LAMA4: variants seen among roughly 807,000 people sequenced by gnomAD.
LAMA4 encodes laminin subunit alpha 4.
A neutral mutation model predicts 207.1 loss-of-function variants in LAMA4; 127 were observed. The ratio of observed to expected loss-of-function variants is 0.61; its 90% confidence interval spans 0.53 to 0.71. The LOEUF is 0.71. LAMA4 is among the 30% of genes least tolerant of loss of function. LAMA4 has a pLI of 0.00. For synonymous variants in LAMA4, 761 were observed against 816.0 expected, an observed-to-expected ratio of 0.93 and a Z score of 1.15; for missense variants, 2,093 against 2,246.5, an observed-to-expected ratio of 0.93 and a Z score of 1.38.
chr6:112,135,304 C>T (rs1779274903), intron 25 of LAMA4, among the ~76,000 whole-genome samples: 1 of 152,144 alleles, frequency 6.6e-6, no homozygotes, highest in Non-Finnish European at 1.5e-5. Context: ...CCCTGGTGAC[C>T]CCTATTGTAT....
At position 112,120,300 on chromosome 6, in the gene LAMA4, C is replaced by T. The variant is rs1554325683; in HGVS notation, c.4648G>A (p.Asp1550Asn). ...LKIRSQEKYN[D>N]GLWHDVIFIR... ...CAACTTACATCATGCCACAGGCCATCATTGTATTTCTCCTGGCTTCTAATC... is the reference window on the plus strand; with the variant it reads ...CAACTTACATCATGCCACAGGCCATTATTGTATTTCTCCTGGCTTCTAATC... Residue 1550 changes from aspartate to asparagine, a missense_variant, in exon 33 of 39, where the codon GAT (aspartate) becomes AAT (asparagine). Transcript: ENST00000230538. 2.5e-6 allele frequency: 4 copies of T among 1,613,784 alleles called. No homozygotes were observed. In the Admixed American group the frequency reaches 6.7e-5, roughly 27 times the overall value.
intron 5 of LAMA4, among the ~76,000 whole-genome samples, chr6:112,199,340 G>A (rs899527215): frequency 5.9e-5 from 9 of 152,202 alleles, no homozygotes; most frequent in Middle Eastern, 3.4e-3. Context: ...AACTCTCCCC[G>A]TGGGGGCCAT....
intron 30 of LAMA4, 41 bp downstream of exon 30, chr6:112,129,835 T>C (rs782475211): frequency 1.2e-4 from 173 of 1,424,838 alleles, no homozygotes; most frequent in Non-Finnish European, 1.7e-4. Flanking sequence ...TTGATTTTAT[T>C]TATCAATCAT....
At chr6:112,145,823 C>T (rs781907373) in intron 18 of LAMA4, among the ~76,000 whole-genome samples, 28 of 152,088 alleles carry the variant, frequency 1.8e-4, no homozygotes, top group Non-Finnish European at 3.7e-4. Flanking sequence ...GCAGGGACCA[C>T]GGTATATATA....
chr6:112,156,175 G>T (rs1240993057), intron 14 of LAMA4, among the ~76,000 whole-genome samples: 2 of 152,088 alleles, frequency 1.3e-5, no homozygotes, highest in Non-Finnish European at 2.9e-5. Context: ...CTGCATCCTG[G>T]GCCTCAGGAG....
At position 112,172,761 on chromosome 6, in the gene LAMA4, G is replaced by A; in HGVS notation, c.1401C>T (p.Thr467=). 1.2e-6 allele frequency: 2 copies of A among 1,614,002 alleles called. No homozygotes were observed. The highest frequency in any genetic ancestry group is 2.2e-5 in the East Asian group (1 of 44,856). Reference sequence around the variant, plus strand: ...CCAGGACGACAGGAAACAGAGTGCGGGTCTCATTGTGCAGCCGCTGCCAGC... The same window carrying A: ...CCAGGACGACAGGAAACAGAGTGCGAGTCTCATTGTGCAGCCGCTGCCAGC... ...AESWQRLHNE[T]RTLFPVVLEQ... Residue 467 remains threonine, a synonymous_variant, in exon 12 of 39, where the codon ACC becomes ACT. Coordinates refer to ENST00000230538, the MANE Select transcript of LAMA4 (RefSeq NM_001105206.3).
At chr6:112,149,230 C>G (rs1780225458) in intron 17 of LAMA4, among the ~76,000 whole-genome samples, 1 of 151,872 alleles carries the variant, frequency 6.6e-6, no homozygotes, top group Non-Finnish European at 1.5e-5. Context: ...AGTTTCAATC[C>G]TGAATCTGCT....
chr6:112,187,345 TACAGGTATG>T, intron 8 of LAMA4, 96 bp downstream of exon 8: 1 of 1,289,424 alleles, frequency 7.8e-7, no homozygotes, highest in Non-Finnish European at 1.1e-6. Context: ...CAACCTGTAA[TACAGGTATG>T]AGACTCAGAT....
intron 8 of LAMA4, 103 bp from the exon 9 acceptor site, chr6:112,185,450 G>A: frequency 1.3e-6 from 1 of 758,876 alleles, no homozygotes. Flanking sequence ...AGAGTGTGAG[G>A]CTCTTTTCTC....
At chr6:112,151,684 T>C (rs9487829) in intron 16 of LAMA4, among the ~76,000 whole-genome samples, 47,229 of 152,022 alleles carry the variant, frequency 0.31, 7,889 homozygotes, top group African/African-American at 0.44. Context: ...TAAAATTAAA[T>C]CGGATTTTTA....
At chr6:112,173,237 A>G (rs1267631108) in intron 11 of LAMA4, among the ~76,000 whole-genome samples, 4 of 152,192 alleles carry the variant, frequency 2.6e-5, no homozygotes, top group Non-Finnish European at 4.4e-5. Context: ...TCTCTAGGCA[A>G]CTGTTTTTAG....
At position 112,118,721 on chromosome 6, in the gene LAMA4, A is replaced by ATGTGTGTG. The variant is rs4036073; in HGVS notation, c.4821+427_4821+434dup. Among the ~76,000 whole-genome samples, 172 of 148,436 alleles carry ATGTGTGTG rather than the reference A, an allele frequency of 1.2e-3. 2 individuals are homozygous for ATGTGTGTG. Among genetic ancestry groups the ATGTGTGTG allele is most frequent in the African/African-American group, 3.7e-3 (152 of 40,556 alleles). On this transcript the variant is annotated intron_variant, in intron 34 of 38. Coordinates refer to ENST00000230538, the MANE Select transcript of LAMA4 (RefSeq NM_001105206.3). This position sits in a 1 kb window ranked among gnomAD's most constrained non-coding sequence, Gnocchi z 4.6. ...TTACAAATTGTGTGTGTGTGTGTGT[A>ATGTGTGTG]TGTGTGTGTGTGTGTGTGTGTGTGT... is the stretch of plus-strand genomic sequence containing the variant.
At chr6:112,153,412 A>T (rs1441316135) in intron 16 of LAMA4, among the ~76,000 whole-genome samples, 1 of 152,116 alleles carries the variant, frequency 6.6e-6, no homozygotes, top group Admixed American at 6.5e-5. Context: ...GCCAAATGAG[A>T]TCATGAAATA....
intron 3 of LAMA4, among the ~76,000 whole-genome samples, chr6:112,210,223 A>C (rs9487851): frequency 0.34 from 51,388 of 150,646 alleles, 11,381 homozygotes; most frequent in African/African-American, 0.61. Context: ...TTTTTTAATC[A>C]AAAGAGTAAA....
chr6:112,214,354 G>A (rs1056381095), intron 3 of LAMA4, among the ~76,000 whole-genome samples: 8 of 151,950 alleles, frequency 5.3e-5, no homozygotes, highest in African/African-American at 1.7e-4. Context: ...AAAGTGCTGG[G>A]ATTACAGGTG....
intron 3 of LAMA4, among the ~76,000 whole-genome samples, chr6:112,215,914 T>C (rs1784599972): frequency 2.0e-5 from 3 of 152,242 alleles, no homozygotes; most frequent in Admixed American, 2.0e-4. Flanking sequence ...AACTTAAATT[T>C]CTTTTTTAAA....
At chr6:112,230,142 A>C (rs1785460775) in intron 2 of LAMA4, among the ~76,000 whole-genome samples, 1 of 152,198 alleles carries the variant, frequency 6.6e-6, no homozygotes, top group African/African-American at 2.4e-5. Flanking sequence ...AGAAATGTCC[A>C]TGTATGTCTG....
At chr6:112,141,926 A>C (rs1187337843) in intron 20 of LAMA4, among the ~76,000 whole-genome samples, 193 bp downstream of exon 20, 3 of 152,188 alleles carry the variant, frequency 2.0e-5, no homozygotes, top group African/African-American at 7.2e-5. Flanking sequence ...AACAATCCCC[A>C]CAATATCCCA....
At chr6:112,166,324 T>G (rs1286095107) in intron 12 of LAMA4, 3 of 152,204 alleles carry the variant, frequency 2.0e-5, no homozygotes, top group African/African-American at 7.2e-5. Flanking sequence ...CAAGAACATT[T>G]TTAAAGAAAC....
Sources: allele counts gnomAD v4.1 joint callset (sites outside exome capture counted in the v4.1 genomes callset), GRCh38; gene constraint gnomAD v4.1.1; non-coding constraint Gnocchi (gnomAD v3.1); transcripts MANE v1.5; gene names NCBI Gene and HGNC (gene_info 2026-07-23, HGNC 2026-07-21).